The following GLIS1 variants were observed in gnomAD, a reference collection of about 807,000 sequenced individuals.
GLIS1 encodes GLIS family zinc finger 1.
Under a neutral mutation model 63.8 loss-of-function variants are expected in GLIS1, and 24 were observed. That is an observed-to-expected ratio of 0.38 (90% CI 0.27 to 0.53). The LOEUF is 0.53. Ranked by LOEUF, GLIS1 falls within the 20% of genes least tolerant of loss-of-function variation. The probability of loss-of-function intolerance (pLI) is 0.85; values close to 1 mark genes in which losing one functional copy is unlikely to be tolerated. For synonymous variants in GLIS1, 450 were observed against 482.5 expected (o/e 0.93, Z 0.88); for missense variants, 1,036 against 1,074.1 (o/e 0.96, Z 0.50).
chr1:53,573,088 C>T (rs962876407), intron 4 of GLIS1, among the ~76,000 whole-genome samples: 4 of 152,152 alleles, frequency 2.6e-5, no homozygotes, highest in Non-Finnish European at 5.9e-5. Context: ...TTCTTGAGGG[C>T]TGGAACTCAA....
At chr1:53,641,696 G>A (rs1645788929) in intron 2 of GLIS1, among the ~76,000 whole-genome samples, 2 of 152,100 alleles carry the variant, frequency 1.3e-5, no homozygotes, top group African/African-American at 2.4e-5. Context: ...TGGTACTGAC[G>A]AGGGCGCACC....
Position 53,594,882 on chromosome 1 carries a change from G to T in GLIS1, c.546C>A (p.Ser182=). 1 of 1,561,590 alleles carries T rather than the reference G, an allele frequency of 6.4e-7. No individual in the cohort carries two copies. The highest frequency in any genetic ancestry group is 2.2e-5 in the East Asian group (1 of 44,454). The change falls in exon 4 of 11, where the codon TCC becomes TCA. Residue 182 remains serine (S), a synonymous_variant. Transcript: ENST00000628545. ...DYQAMAEART[S]LSAHCRGPLA... ...GCGGGCCCCGACAGTGGGCAGACAGGGATGTGCGGGCCTCTGCCATGGCTT... is the reference window on the plus strand; with the variant it reads ...GCGGGCCCCGACAGTGGGCAGACAGTGATGTGCGGGCCTCTGCCATGGCTT...
chr1:53,526,211 G>A lies in GLIS1; in HGVS notation c.1483-1324C>T, dbSNP rs1644467194. 6.6e-6 allele frequency among the ~76,000 whole-genome samples: 1 copy of A among 152,092 alleles called. No homozygotes were observed. The highest frequency in any genetic ancestry group is 2.4e-5 in the African/African-American group (1 of 41,404). ...CATGTCCTGCCAGACACACCCACGT[G>A]GAACTGCCCCCAGGACCTCAAGGCA... On this transcript the variant is annotated intron_variant, in intron 5 of 10. Coordinates refer to ENST00000628545, the MANE Select transcript of GLIS1 (RefSeq NM_001367484.1). The surrounding 1 kb of genome is among the most constrained non-coding windows in gnomAD (Gnocchi z 4.4).
chr1:53,631,713 G>A (rs1645653760), intron 2 of GLIS1, among the ~76,000 whole-genome samples: 1 of 152,056 alleles, frequency 6.6e-6, no homozygotes. Flanking sequence ...TTTTATATGG[G>A]GTGTTCAGGG....
chr1:53,584,658 C>T (rs1188809761), intron 4 of GLIS1, among the ~76,000 whole-genome samples: 1 of 152,198 alleles, frequency 6.6e-6, no homozygotes, highest in Non-Finnish European at 1.5e-5. Flanking sequence ...CCAAGGCTGT[C>T]TCCCAAGGGA....
chr1:53,636,864 G>A lies in GLIS1; in HGVS notation c.260-36586C>T, dbSNP rs1036262177. On this transcript the variant is annotated intron_variant, in intron 2 of 10. Coordinates refer to ENST00000628545, the MANE Select transcript of GLIS1 (RefSeq NM_001367484.1). ...TTTGCTTCCTAAGGGGCCACACTCA[G>A]TGCAGGGACCACTCCTGTATTACTC... 3.3e-5 allele frequency among the ~76,000 whole-genome samples: 5 copies of A among 152,226 alleles called. No individual in the cohort carries two copies. In the South Asian group the frequency reaches 1.0e-3, roughly 31 times the overall value.
chr1:53,665,707 G>T (rs141403987), intron 2 of GLIS1, among the ~76,000 whole-genome samples: 1 of 152,174 alleles, frequency 6.6e-6, no homozygotes, highest in Non-Finnish European at 1.5e-5. Context: ...ACTTATAGAC[G>T]AAGAATCAGC....
At chr1:53,551,009 C>A (rs1644753638) in intron 4 of GLIS1, among the ~76,000 whole-genome samples, 1 of 152,108 alleles carries the variant, frequency 6.6e-6, no homozygotes, top group Non-Finnish European at 1.5e-5. Context: ...CGCCAACACA[C>A]CTGGCTAATA....
At chr1:53,668,708 C>T (rs1044712112) in intron 2 of GLIS1, among the ~76,000 whole-genome samples, 3 of 152,186 alleles carry the variant, frequency 2.0e-5, no homozygotes, top group African/African-American at 7.2e-5. Flanking sequence ...CATTGTGTTA[C>T]AGCTGCTTAC....
intron 4 of GLIS1, among the ~76,000 whole-genome samples, chr1:53,572,837 G>T (rs1644996447): frequency 6.6e-6 from 1 of 152,212 alleles, no homozygotes; most frequent in Admixed American, 6.5e-5. Flanking sequence ...TGGCCCCAAG[G>T]CCTCCTGTCT....
chr1:53,569,949 T>C (rs952313419), intron 4 of GLIS1, among the ~76,000 whole-genome samples: 2 of 152,132 alleles, frequency 1.3e-5, no homozygotes, highest in African/African-American at 4.8e-5. Flanking sequence ...AACATGTTTA[T>C]GAACAATAAG....
Position 53,682,891 on chromosome 1 carries a change from G to A in GLIS1, c.259+54915C>T, listed in dbSNP as rs1487594759. Among the ~76,000 whole-genome samples the A allele has an allele frequency of 2.6e-5, 4 of 152,180 alleles. No homozygotes were observed. The East Asian group carries it at 7.7e-4, about 29-fold the overall frequency. The stretch of plus-strand genomic sequence containing the variant: ...TAGTGAGGGGTCAGAGAGCAATCAA[G>A]GAACCATACAAATAATACACGATCA... On this transcript the variant is annotated intron_variant, in intron 2 of 10. Coordinates refer to ENST00000628545, the MANE Select transcript of GLIS1 (RefSeq NM_001367484.1).
At chr1:53,522,653 A>G (rs1392198664) in intron 6 of GLIS1, among the ~76,000 whole-genome samples, 1 of 152,170 alleles carries the variant, frequency 6.6e-6, no homozygotes, top group Non-Finnish European at 1.5e-5. Context: ...TCATGACTCT[A>G]ATCCCCACAT....
chr1:53,592,687 A>T (rs1012213556), intron 4 of GLIS1, among the ~76,000 whole-genome samples: 1 of 152,236 alleles, frequency 6.6e-6, no homozygotes, highest in African/African-American at 2.4e-5. Context: ...GGCACAAGAT[A>T]AAGTCAAAGT....
At chr1:53,660,979 T>C (rs1646022091) in intron 2 of GLIS1, among the ~76,000 whole-genome samples, 2 of 152,116 alleles carry the variant, frequency 1.3e-5, no homozygotes, top group African/African-American at 2.4e-5. Flanking sequence ...GGCAGACCCA[T>C]GTTGGAATCA....
At chr1:53,641,227 G>C (rs1645784028) in intron 2 of GLIS1, among the ~76,000 whole-genome samples, 2 of 152,186 alleles carry the variant, frequency 1.3e-5, no homozygotes, top group South Asian at 4.1e-4. Flanking sequence ...GAGTACCTGG[G>C]CTGGACCTTG....
At chr1:53,700,939 G>T (rs1276841462) in intron 2 of GLIS1, among the ~76,000 whole-genome samples, 1 of 152,256 alleles carries the variant, frequency 6.6e-6, no homozygotes, top group African/African-American at 2.4e-5. Flanking sequence ...CGTGTTGTAA[G>T]ATGTCAGTAC....
chr1:53,542,930 CA>C (rs758634539), intron 4 of GLIS1, among the ~76,000 whole-genome samples: 180 of 152,174 alleles, frequency 1.2e-3, no homozygotes, highest in Non-Finnish European at 2.1e-3. Context: ...TGGACAGGGA[CA>C]AGTAGATTCT....
intron 2 of GLIS1, among the ~76,000 whole-genome samples, chr1:53,654,879 A>AAAAGG (rs1228902345): frequency 2.0e-5 from 3 of 152,324 alleles, no homozygotes; most frequent in Admixed American, 6.5e-5. Flanking sequence ...AGTTTTGCTC[A>AAAAGG]AAAGGAAAGG....
Sources: gnomAD v4.1 joint callset for allele counts (sites outside exome capture counted in the v4.1 genomes callset) on GRCh38, gnomAD v4.1.1 for gene constraint, Gnocchi (gnomAD v3.1) non-coding constraint, MANE v1.5 for transcripts, NCBI Gene and HGNC (gene_info 2026-07-23, HGNC 2026-07-21) for gene names.